Variants in PTPRA observed in about 807,000 individuals in gnomAD.
PTPRA encodes receptor-type tyrosine-protein phosphatase alpha.
In PTPRA, 25 loss-of-function variants were observed where a neutral mutation model predicts 104.8. The observed-to-expected ratio is 0.24, with a 90% CI of 0.17 to 0.33. PTPRA has a LOEUF of 0.33. PTPRA is among the 10% of genes least tolerant of loss of function. The pLI is 1.00. For synonymous variants in PTPRA, 323 were observed against 368.9 expected (o/e 0.88, Z 1.43); for missense variants, 765 against 1,015.3 (o/e 0.75, Z 3.35).
intron 11 of PTPRA, among the ~76,000 whole-genome samples, chr20:3,012,162 T>C (rs967072013): frequency 2.6e-5 from 4 of 152,136 alleles, no homozygotes; most frequent in Non-Finnish European, 5.9e-5. Flanking sequence ...AGCTGAGCGG[T>C]TTTGATGAAT....
intron 3 of PTPRA, among the ~76,000 whole-genome samples, chr20:2,960,732 TTGC>T (rs778307128): frequency 6.6e-6 from 1 of 152,026 alleles, no homozygotes; most frequent in Non-Finnish European, 1.5e-5. Flanking sequence ...AAATGTGGTC[TTGC>T]TGTGTTGTCC....
chr20:2,945,582 GGTGTGTGTGTGT>G (rs3842441), intron 2 of PTPRA, among the ~76,000 whole-genome samples: 9 of 148,146 alleles, frequency 6.1e-5, no homozygotes, highest in African/African-American at 2.2e-4. Context: ...ATAATTGGCA[GGTGTGTGTGTGT>G]GTGTGTGTGT....
chr20:2,925,129 A>G (rs2060247563), intron 2 of PTPRA, among the ~76,000 whole-genome samples: 1 of 152,086 alleles, frequency 6.6e-6, no homozygotes, highest in Non-Finnish European at 1.5e-5. Flanking sequence ...ACCACTGTCC[A>G]TCTCCAAAAC....
intron 1 of PTPRA, among the ~76,000 whole-genome samples, chr20:2,913,438 C>T (rs1331554077): frequency 2.0e-5 from 3 of 152,142 alleles, no homozygotes; most frequent in African/African-American, 7.2e-5. Flanking sequence ...AGCTTATCTT[C>T]AGGCCCCATT....
chr20:3,027,970 G>T, intron 20 of PTPRA, 129 bp downstream of exon 20: 1 of 1,273,146 alleles, frequency 7.9e-7, no homozygotes, highest in Non-Finnish European at 1.1e-6. Context: ...CAAAGAGTAC[G>T]TTTGCATAGT....
intron 12 of PTPRA, among the ~76,000 whole-genome samples, chr20:3,016,898 C>T (rs1341160956): frequency 6.6e-6 from 1 of 152,204 alleles, no homozygotes; most frequent in African/African-American, 2.4e-5. Context: ...AGCACCTCCC[C>T]CTCAGTCAGA....
chr20:2,919,660 G>T (rs1402368433), intron 1 of PTPRA, among the ~76,000 whole-genome samples: 4 of 103,808 alleles, frequency 3.9e-5, no homozygotes, highest in Non-Finnish European at 7.3e-5. Flanking sequence ...CTCTCAGCTG[G>T]GGGAGGCCAT....
At chr20:2,865,275 G>T in the PTPRA span, 4 of 1,614,110 alleles carry the variant, frequency 2.5e-6, no homozygotes, top group Non-Finnish European at 3.4e-6. The surrounding 1 kb of genome is among the most constrained non-coding windows in gnomAD (Gnocchi z 5.2). Flanking sequence ...CACAACAAGC[G>T]TGCAGAGCAG....
At chr20:3,023,523 C>G (rs2064988070) in intron 16 of PTPRA, among the ~76,000 whole-genome samples, 1 of 152,248 alleles carries the variant, frequency 6.6e-6, no homozygotes, top group African/African-American at 2.4e-5. Flanking sequence ...CAATACTGCT[C>G]TTTACTGCAC....
At chr20:2,898,226 T>C (rs2059093237) in intron 1 of PTPRA, among the ~76,000 whole-genome samples, 1 of 151,880 alleles carries the variant, frequency 6.6e-6, no homozygotes, top group South Asian at 2.1e-4. Flanking sequence ...CCTCCAGGCA[T>C]GCGCCACCAT....
At chr20:2,944,587 T>C (rs1452182218) in intron 2 of PTPRA, among the ~76,000 whole-genome samples, 1 of 152,310 alleles carries the variant, frequency 6.6e-6, no homozygotes, top group South Asian at 2.1e-4. Context: ...TTCTGCATTT[T>C]ATTGGTTTAA....
At chr20:2,882,639 A>G (rs906097314) in intron 1 of PTPRA, among the ~76,000 whole-genome samples, 1 of 152,064 alleles carries the variant, frequency 6.6e-6, no homozygotes, top group African/African-American at 2.4e-5. Context: ...AAGAATAAGG[A>G]CCACTTCTTT....
chr20:3,024,348 T>G, intron 16 of PTPRA, 124 bp from the exon 17 acceptor site: 1 of 1,004,090 alleles, frequency 1.0e-6, no homozygotes, highest in Non-Finnish European at 1.5e-6. Context: ...TAAGAGGGAG[T>G]CCTTTTATTC....
At chr20:2,957,879 GA>G (rs775685593) in intron 3 of PTPRA, among the ~76,000 whole-genome samples, 10 of 152,164 alleles carry the variant, frequency 6.6e-5, no homozygotes, top group South Asian at 6.2e-4. Context: ...AAAGACTGCA[GA>G]AAGTGCTTAG....
intron 5 of PTPRA, among the ~76,000 whole-genome samples, chr20:2,966,281 T>G (rs973168665): frequency 2.6e-5 from 4 of 152,240 alleles, no homozygotes; most frequent in Non-Finnish European, 5.9e-5. Context: ...CAGCCATGTT[T>G]ATGGCATAGC....
intron 9 of PTPRA, among the ~76,000 whole-genome samples, chr20:2,994,679 C>T (rs142039449): frequency 3.5e-4 from 53 of 152,320 alleles, no homozygotes; most frequent in Admixed American, 5.9e-4. Flanking sequence ...CTACTTTGTG[C>T]CCAGGTTTTT....
intron 1 of PTPRA, among the ~76,000 whole-genome samples, chr20:2,904,919 T>C (rs1052209771): frequency 1.3e-5 from 2 of 152,148 alleles, no homozygotes; most frequent in Non-Finnish European, 2.9e-5. Flanking sequence ...ATTTAGACTA[T>C]ATTCAAATAA....
intron 1 of PTPRA, among the ~76,000 whole-genome samples, chr20:2,914,068 C>T (rs1283419727): frequency 6.6e-6 from 1 of 152,130 alleles, no homozygotes; most frequent in South Asian, 2.1e-4. Flanking sequence ...AATAAGTTAT[C>T]TATTAGTGTA....
At chr20:2,988,315 A>T (rs2062995076) in intron 8 of PTPRA, 23 bp from the exon 9 acceptor site, 2 of 1,577,294 alleles carry the variant, frequency 1.3e-6, no homozygotes, top group South Asian at 1.2e-5. Context: ...TACCTGACTG[A>T]CCTTCTCCCT....
Sources: allele counts gnomAD v4.1 joint callset (sites outside exome capture counted in the v4.1 genomes callset), GRCh38; gene constraint gnomAD v4.1.1; non-coding constraint Gnocchi (gnomAD v3.1); transcripts MANE v1.5; gene names NCBI Gene and HGNC (gene_info 2026-07-23, HGNC 2026-07-21).